Variants in DPP10 observed in about 807,000 individuals in gnomAD.
DPP10 encodes the protein dipeptidyl peptidase like 10.
A neutral mutation model predicts 120.9 loss-of-function variants in DPP10; 33 were observed. The observed-to-expected ratio is 0.27, with a 90% CI of 0.21 to 0.37. The LOEUF (loss-of-function observed/expected upper bound fraction) is 0.37, where lower values mean the gene tolerates loss of function less well. Among genes scored for constraint, DPP10 ranks in the 10% least tolerant of loss-of-function variants. The pLI is 1.00. For synonymous variants in DPP10, 337 were observed against 326.1 expected (o/e 1.03, Z -0.36); for missense variants, 816 against 942.8 (o/e 0.87, Z 1.76).
intron 1 of DPP10, among the ~76,000 whole-genome samples, chr2:114,623,512 A>G (rs1694258661): frequency 6.6e-6 from 1 of 152,128 alleles, no homozygotes; most frequent in Non-Finnish European, 1.5e-5. Context: ...GGATTTTTAT[A>G]AAACAGACTT....
chr2:114,864,510 G>T (rs1295309237), intron 1 of DPP10, among the ~76,000 whole-genome samples: 1 of 152,170 alleles, frequency 6.6e-6, no homozygotes, highest in African/African-American at 2.4e-5. Flanking sequence ...AAGTGTGCTT[G>T]ATCACATCAC....
At chr2:114,546,857 A>G (rs566034851) in intron 1 of DPP10, among the ~76,000 whole-genome samples, 1 of 152,322 alleles carries the variant, frequency 6.6e-6, no homozygotes, top group South Asian at 2.1e-4. Flanking sequence ...TGGCTAACAA[A>G]ATAGAGAATG....
chr2:115,274,544 T>C (rs1488369958), intron 1 of DPP10, among the ~76,000 whole-genome samples: 1 of 152,148 alleles, frequency 6.6e-6, no homozygotes, highest in African/African-American at 2.4e-5. Flanking sequence ...CTGCCAAAAG[T>C]TCTAATAAAA....
intron 4 of DPP10, among the ~76,000 whole-genome samples, chr2:115,519,368 T>C (rs1038787811): frequency 1.3e-5 from 2 of 152,126 alleles, no homozygotes; most frequent in African/African-American, 4.8e-5. Context: ...ATTTTCTGCA[T>C]TGGGTTGTTT....
rs750807464 is a variant in DPP10, at chr2:115,689,672, C to A, written c.442-15C>A. The A allele has an allele frequency of 9.6e-6, 14 of 1,456,164 alleles. No individual in the cohort carries two copies. The highest frequency in any genetic ancestry group is 1.3e-5 in the Non-Finnish European group (14 of 1,063,402). The allele number at this position is 1,456,164 out of a possible 1,614,324, so 90.2% of individuals were successfully genotyped here. On this transcript the variant is annotated splice_polypyrimidine_tract_variant and intron_variant, in intron 5 of 25. Transcript: ENST00000410059. ...GATAAAGCTATGATCAATAATGTTT[C>A]TTTTTTAATTTCAGATTTTTCATTA... is the stretch of plus-strand genomic sequence containing the variant.
At chr2:114,455,684 G>T (rs1678535731) in intron 1 of DPP10, among the ~76,000 whole-genome samples, 1 of 151,600 alleles carries the variant, frequency 6.6e-6, no homozygotes, top group South Asian at 2.1e-4. Flanking sequence ...ATATCTTCTA[G>T]GCACCTACTC....
intron 5 of DPP10, among the ~76,000 whole-genome samples, chr2:115,669,810 C>G (rs1371488014): frequency 6.6e-6 from 1 of 152,142 alleles, no homozygotes; most frequent in Non-Finnish European, 1.5e-5. Flanking sequence ...CATGGTATCC[C>G]TGGCATCTGA....
intron 3 of DPP10, among the ~76,000 whole-genome samples, chr2:115,491,961 A>G (rs2076149127): frequency 6.6e-6 from 1 of 152,172 alleles, no homozygotes; most frequent in Admixed American, 6.6e-5. Flanking sequence ...AGGCAGGCCA[A>G]GGTCAAGGGC....
chr2:115,632,122 T>C (rs2085923950), intron 5 of DPP10, among the ~76,000 whole-genome samples: 1 of 152,218 alleles, frequency 6.6e-6, no homozygotes, highest in Non-Finnish European at 1.5e-5. Flanking sequence ...ATATTTCTGA[T>C]AGCTAGCTCT....
intron 1 of DPP10, among the ~76,000 whole-genome samples, chr2:115,114,602 C>T (rs11692516): frequency 0.23 from 35,013 of 152,080 alleles, 4,686 homozygotes; most frequent in East Asian, 0.31. Flanking sequence ...GCTCAGGCTC[C>T]TGCATTCAAG....
chr2:115,255,242 G>C (rs966582224), intron 1 of DPP10, among the ~76,000 whole-genome samples: 1 of 152,180 alleles, frequency 6.6e-6, no homozygotes, highest in Admixed American at 6.5e-5. Context: ...TCAAGGCTTG[G>C]AGCTTGCAGC....
intron 3 of DPP10, among the ~76,000 whole-genome samples, chr2:115,380,041 G>T (rs1045717538): frequency 6.6e-6 from 1 of 152,254 alleles, no homozygotes; most frequent in South Asian, 2.1e-4. Context: ...CATTTGGGGT[G>T]GAGAGTTCTG....
intron 1 of DPP10, among the ~76,000 whole-genome samples, chr2:115,024,225 T>TA (rs1465402146): frequency 6.6e-6 from 1 of 152,160 alleles, no homozygotes. Flanking sequence ...GTGGGTTTCT[T>TA]ATAGACAGCA....
chr2:115,376,507 C>G lies in DPP10; in HGVS notation c.271+32595C>G, dbSNP rs190822600. 1.8e-4 allele frequency among the ~76,000 whole-genome samples: 27 copies of G among 150,962 alleles called. No individual in the cohort carries two copies. In the East Asian group the frequency reaches 5.3e-3, roughly 29 times the overall value. ...AGAATTTGAATTTCACCAGTGGACA[C>G]TTGTTGATTCTAATAGTCCCTTTCT... On this transcript the variant is annotated intron_variant, in intron 3 of 25. Coordinates refer to ENST00000410059, the MANE Select transcript of DPP10 (RefSeq NM_020868.6).
intron 5 of DPP10, among the ~76,000 whole-genome samples, chr2:115,539,452 T>C (rs530081992): frequency 6.6e-6 from 1 of 152,050 alleles, no homozygotes; most frequent in African/African-American, 2.4e-5. Flanking sequence ...TCTCTAGAAA[T>C]ATTCAAAAGA....
chr2:114,920,234 A>G (rs1415897085), intron 1 of DPP10, among the ~76,000 whole-genome samples: 1 of 152,184 alleles, frequency 6.6e-6, no homozygotes, highest in African/African-American at 2.4e-5. Flanking sequence ...TAGTTTTTTC[A>G]TATCTCAGCC....
chr2:115,014,349 T>G (rs929107298), intron 1 of DPP10, among the ~76,000 whole-genome samples: 8 of 151,986 alleles, frequency 5.3e-5, no homozygotes, highest in African/African-American at 1.9e-4. Context: ...AAAACATAGT[T>G]TAGAGGGAAA....
chr2:115,378,032 G>T (rs2065955230), intron 3 of DPP10, among the ~76,000 whole-genome samples: 1 of 151,866 alleles, frequency 6.6e-6, no homozygotes, highest in Non-Finnish European at 1.5e-5. Context: ...ACTTGGCGAT[G>T]CGGGCTGTTT....
Position 114,583,209 on chromosome 2 carries a change from G to A in DPP10, c.60+140371G>A, listed in dbSNP as rs183167923. On this transcript the variant is annotated intron_variant, in intron 1 of 25. Coordinates refer to ENST00000410059, the MANE Select transcript of DPP10 (RefSeq NM_020868.6). The stretch of plus-strand genomic sequence containing the variant: ...TTTTGTAATCATAGCTTGGAATTGC[G>A]TTTTCTAGGTTAGTTTTCAAAATAA... 3.1e-3 allele frequency among the ~76,000 whole-genome samples: 468 copies of A among 152,224 alleles called. 2 individuals are homozygous for A. The highest frequency in any genetic ancestry group is 4.5e-3 in the Non-Finnish European group (308 of 68,018).
Sources: gnomAD v4.1 joint callset for allele counts (sites outside exome capture counted in the v4.1 genomes callset) on GRCh38, gnomAD v4.1.1 for gene constraint, MANE v1.5 for transcripts, NCBI Gene and HGNC (gene_info 2026-07-23, HGNC 2026-07-21) for gene names.